FMR1: variants seen among roughly 807,000 people sequenced by gnomAD.
FMR1 encodes fragile X messenger ribonucleoprotein 1.
A neutral mutation model predicts 50.6 loss-of-function variants in FMR1; 13 were observed. The ratio of observed to expected loss-of-function variants is 0.26; its 90% confidence interval spans 0.17 to 0.41. FMR1 has a LOEUF of 0.41. Among genes scored for constraint, FMR1 ranks in the 10% least tolerant of loss-of-function variants. FMR1 has a pLI of 1.00. For missense variants in FMR1, 316 were observed against 491.3 expected (o/e 0.64, Z 3.37); for synonymous variants, 138 against 164.1 (o/e 0.84, Z 1.22).
Position 147,945,558 on chromosome X carries a change from A to T in FMR1, c.1679A>T (p.Asp560Val). ...GGAAACGACGATCACTCCCGAACAG[A>T]TAATCGTCCACGTAATCCAAGAGAG... Reference protein sequence around the residue: ...FKGNDDHSRTDNRPRNPREAK... With the variant: ...FKGNDDHSRTVNRPRNPREAK... Residue 560 changes from aspartate to valine, a missense_variant, in exon 16 of 17, where the codon GAT becomes GTT. Asp to Val is a radical substitution (Grantham distance 152). Transcript: ENST00000370475. 8.3e-7 allele frequency: 1 copy of T among 1,209,319 alleles called. No individual in the cohort carries two copies.
chrX:147,915,542 A>G (rs2042815103), intron 1 of FMR1, among the ~76,000 whole-genome samples: 1 of 110,432 alleles, frequency 9.1e-6, no homozygotes, highest in Non-Finnish European at 1.9e-5. Context: ...TGGCTGCATC[A>G]TTTTTCCCCT....
At chrX:147,925,507 A>T (rs924092966) in intron 2 of FMR1, 33 bp from the exon 3 acceptor site, 10 of 1,013,348 alleles carry the variant, frequency 9.9e-6, no homozygotes, top group Middle Eastern at 2.6e-4. Context: ...CATGAAAAGC[A>T]TGTTAAATAA....
At chrX:147,915,354 T>A (rs2042803921) in intron 1 of FMR1, among the ~76,000 whole-genome samples, 1 of 112,042 alleles carries the variant, frequency 8.9e-6, no homozygotes, top group Non-Finnish European at 1.9e-5. Flanking sequence ...TTTATAAGTT[T>A]ATAAATCAAC....
At chrX:147,924,095 CATT>C (rs1557176979) in intron 2 of FMR1, among the ~76,000 whole-genome samples, 2 of 110,944 alleles carry the variant, frequency 1.8e-5, no homozygotes. Context: ...CACTTAAAAT[CATT>C]ATTTTTTCCT....
chrX:147,946,009 T>A (rs905279323), intron 16 of FMR1, among the ~76,000 whole-genome samples: 8 of 112,136 alleles, frequency 7.1e-5, no homozygotes, highest in African/African-American at 2.6e-4. Flanking sequence ...CCTGAGTAGC[T>A]GGAATTACAG....
chrX:147,945,071 GAAATC>G lies in FMR1; in HGVS notation c.1654+24_1654+28del, dbSNP rs1557181679. The G allele has an allele frequency of 8.6e-7, 1 of 1,165,900 alleles. No homozygotes were observed. The highest frequency in any genetic ancestry group is 1.1e-6 in the Non-Finnish European group (1 of 872,628). On this transcript the variant is annotated intron_variant, in intron 15 of 16. Coordinates refer to ENST00000370475, the MANE Select transcript of FMR1 (RefSeq NM_002024.6). ...TCAAAGGTATGGAGATCTTCATTAA[GAAATC>G]AAAGTGAATTGTAACAGCTGTCTTG...
chrX:147,942,447 C>G (rs1181089241), intron 13 of FMR1, among the ~76,000 whole-genome samples: 2 of 112,246 alleles, frequency 1.8e-5, no homozygotes, highest in African/African-American at 6.5e-5. Flanking sequence ...TAAATGTATA[C>G]TGTTTCTCGT....
intron 13 of FMR1, 116 bp from the exon 14 acceptor site, chrX:147,943,015 A>G (rs782515465): frequency 6.5e-5 from 41 of 627,206 alleles, no homozygotes; most frequent in Middle Eastern, 5.0e-4. Flanking sequence ...TGTTTACTGT[A>G]AATTTAGAAC....
At chrX:147,947,861 G>A (rs781942813) in intron 16 of FMR1, among the ~76,000 whole-genome samples, 7 of 112,376 alleles carry the variant, frequency 6.2e-5, no homozygotes, top group African/African-American at 1.9e-4. Flanking sequence ...ATCAATATTT[G>A]TAGTTGTTTT....
Position 147,921,968 on chromosome X carries a change from A to G in FMR1, c.87A>G (p.Thr29=). The G allele has an allele frequency of 1.8e-6, 2 of 1,139,275 alleles. No individual in the cohort carries two copies. Among genetic ancestry groups the G allele is most frequent in the South Asian group, 1.8e-5 (1 of 54,803 alleles). The allele number at this position is 1,139,275 out of a possible 1,213,427, so 93.9% of individuals were successfully genotyped here. ...FVKDVHEDSI[T]VAFENNWQPD... is the part of the protein sequence containing the mutation. ...AGGATGTTCATGAAGATTCAATAACAGTTGCATTTGAAAACAAGTAAGTGT... is the reference window on the plus strand; with the variant it reads ...AGGATGTTCATGAAGATTCAATAACGGTTGCATTTGAAAACAAGTAAGTGT... Residue 29 remains threonine (T), a synonymous_variant, in exon 2 of 17, where the codon ACA becomes ACG. Coordinates refer to ENST00000370475, the MANE Select transcript of FMR1 (RefSeq NM_002024.6).
chrX:147,926,258 G>A (rs1181468880), intron 3 of FMR1, among the ~76,000 whole-genome samples: 9 of 111,585 alleles, frequency 8.1e-5, no homozygotes, highest in African/African-American at 2.3e-4. Context: ...TATTTAAGGC[G>A]CTTACAGTGC....
At chrX:147,920,852 G>A (rs1272274217) in intron 1 of FMR1, among the ~76,000 whole-genome samples, 1 of 112,004 alleles carries the variant, frequency 8.9e-6, no homozygotes, top group Non-Finnish European at 1.9e-5. Flanking sequence ...AAGGACAATA[G>A]GAAAGAAGGA....
intron 3 of FMR1, among the ~76,000 whole-genome samples, chrX:147,927,125 G>A (rs143539551): frequency 7.1e-5 from 8 of 112,073 alleles, no homozygotes; most frequent in Non-Finnish European, 1.5e-4. Flanking sequence ...ATCTTAATAG[G>A]GAACAGAAAC....
rs782390188 is a variant in FMR1 at position 147,937,704 on chromosome X, T to C, written c.1125+104T>C. ...TCTGGTTAGACTTGTAGGCTACTTA[T>C]GTTCTATTTTTTTTCCAAATGTAAT... On this transcript the variant is annotated intron_variant, in intron 11 of 16. Transcript: ENST00000370475. 71 of 544,924 alleles carry C rather than the reference T, an allele frequency of 1.3e-4. No homozygotes were observed. In the African/African-American group the frequency reaches 1.4e-3, roughly 10 times the overall value. The allele number at this position is 544,924 out of a possible 1,213,427, so 44.9% of individuals were successfully genotyped here.
In FMR1 at chrX:147,920,710, G is replaced by A. The variant is rs184538508; in HGVS notation, c.52-1223G>A. Among the ~76,000 whole-genome samples the A allele has an allele frequency of 1.1e-4, 12 of 112,049 alleles. No homozygotes were observed. The East Asian group carries it at 2.0e-3, about 18-fold the overall frequency. ...AATAGAGTGGGGTAAGTTTATTGTA[G>A]GGATAAGCATAGGATGCTATGAGAA... On this transcript the variant is annotated intron_variant, in intron 1 of 16. Coordinates refer to ENST00000370475, the MANE Select transcript of FMR1 (RefSeq NM_002024.6).
chrX:147,949,094 A>G lies in FMR1; in HGVS notation c.*250A>G. On this transcript the variant is annotated 3_prime_UTR_variant, in exon 17 of 17. Transcript: ENST00000370475. Reference sequence around the variant, plus strand: ...TACTTAGCACTTCAGGGCAGATTTTAGTTTTATTTTCTAAAGTACTGAGCA... The same window carrying G: ...TACTTAGCACTTCAGGGCAGATTTTGGTTTTATTTTCTAAAGTACTGAGCA... The G allele has an allele frequency of 2.1e-6, 1 of 465,409 alleles. No individual in the cohort carries two copies. Among genetic ancestry groups the G allele is most frequent in the Non-Finnish European group, 3.9e-6 (1 of 257,085 alleles). 38.4% of individuals were successfully genotyped at this position (465,409 alleles called of 1,213,427 possible).
Position 147,945,061 on chromosome X carries a change from T to G in FMR1, c.1654+10T>G, listed in dbSNP as rs782472011. ...GGAGGAGGCTTCAAAGGTATGGAGA[T>G]CTTCATTAAGAAATCAAAGTGAATT... On this transcript the variant is annotated intron_variant, in intron 15 of 16. Coordinates refer to ENST00000370475, the MANE Select transcript of FMR1 (RefSeq NM_002024.6). The G allele has an allele frequency of 3.4e-6, 4 of 1,170,467 alleles. No individual in the cohort carries two copies. In the East Asian group the frequency reaches 1.3e-4, roughly 37 times the overall value.
chrX:147,929,399 G>T (rs1557178207), intron 5 of FMR1, among the ~76,000 whole-genome samples: 1 of 110,976 alleles, frequency 9.0e-6, no homozygotes, highest in African/African-American at 3.3e-5. Context: ...CCCTTTTCTA[G>T]AGATTGTGTA....
At chrX:147,921,461 G>GTATATA (rs782412079) in intron 1 of FMR1, among the ~76,000 whole-genome samples, 12 of 107,505 alleles carry the variant, frequency 1.1e-4, no homozygotes, top group African/African-American at 4.1e-4. Context: ...TTGTGTGTGC[G>GTATATA]TATATATATA....
Sources: allele counts gnomAD v4.1 joint callset (sites outside exome capture counted in the v4.1 genomes callset), GRCh38; gene constraint gnomAD v4.1.1; transcripts MANE v1.5; gene names NCBI Gene and HGNC (gene_info 2026-07-23, HGNC 2026-07-21).